PTPRD: variants seen among roughly 807,000 people sequenced by gnomAD.
PTPRD encodes the protein protein tyrosine phosphatase receptor type D.
In PTPRD, 34 loss-of-function variants were observed where a neutral mutation model predicts 214.5. That is an observed-to-expected ratio of 0.16 (90% CI 0.12 to 0.21). The LOEUF is 0.21. Among genes scored for constraint, PTPRD ranks in the 10% least tolerant of loss-of-function variants. PTPRD has a pLI of 1.00. For synonymous variants in PTPRD, 1,128 were observed against 845.7 expected (o/e 1.33, Z -5.79); for missense variants, 2,545 against 2,398.7 (o/e 1.06, Z -1.27).
At chr9:8,506,226 G>C (rs371979155) in intron 22 of PTPRD, among the ~76,000 whole-genome samples, 2 of 151,916 alleles carry the variant, frequency 1.3e-5, no homozygotes, top group South Asian at 2.1e-4. Context: ...TAGAACACAG[G>C]GACTGTTTCA....
At chr9:8,482,007 T>C (rs958157157) in intron 30 of PTPRD, among the ~76,000 whole-genome samples, 1 of 152,074 alleles carries the variant, frequency 6.6e-6, no homozygotes. Flanking sequence ...GGTCTCGAAC[T>C]CCTGACCTTG....
chr9:10,465,380 A>G lies in PTPRD; in HGVS notation c.-599-124363T>C, dbSNP rs1271867345. ...TTTTGAGTCCAAGTAGATGCAAATAAATGGAAATACATATAATGAACTGGG... is the reference window on the plus strand; with the variant it reads ...TTTTGAGTCCAAGTAGATGCAAATAGATGGAAATACATATAATGAACTGGG... On this transcript the variant is annotated intron_variant, in intron 2 of 45. Coordinates refer to ENST00000381196, the MANE Select transcript of PTPRD (RefSeq NM_002839.4). Among the ~76,000 whole-genome samples the G allele has an allele frequency of 3.9e-5, 6 of 152,172 alleles. No individual in the cohort carries two copies. The East Asian group carries it at 1.2e-3, about 29-fold the overall frequency.
intron 9 of PTPRD, among the ~76,000 whole-genome samples, chr9:9,375,495 C>G (rs1475848014): frequency 6.6e-6 from 1 of 152,046 alleles, no homozygotes; most frequent in Non-Finnish European, 1.5e-5. Flanking sequence ...ACTCGGGAGG[C>G]TGAGGCAGAA....
At chr9:8,926,702 C>G (rs996238691) in intron 11 of PTPRD, among the ~76,000 whole-genome samples, 2 of 152,190 alleles carry the variant, frequency 1.3e-5, no homozygotes, top group African/African-American at 4.8e-5. Flanking sequence ...TTCTTCCTTG[C>G]TCACATTAAA....
intron 7 of PTPRD, among the ~76,000 whole-genome samples, chr9:9,659,060 AG>A (rs2096574497): frequency 1.3e-5 from 2 of 152,148 alleles, no homozygotes; most frequent in Admixed American, 1.3e-4. Context: ...TGAGAATGAA[AG>A]AAAAGAGGTG....
intron 2 of PTPRD, among the ~76,000 whole-genome samples, chr9:10,370,383 G>A (rs981495567): frequency 6.6e-6 from 1 of 151,972 alleles, no homozygotes; most frequent in African/African-American, 2.4e-5. Flanking sequence ...AGACACTAAC[G>A]CTGTGAAATA....
chr9:10,317,665 A>C (rs1292594279), intron 3 of PTPRD, among the ~76,000 whole-genome samples: 1 of 152,030 alleles, frequency 6.6e-6, no homozygotes, highest in Admixed American at 6.6e-5. Context: ...AGCAATCTTA[A>C]TTTTTAAATG....
chr9:9,616,517 G>A (rs1266714568), intron 7 of PTPRD, among the ~76,000 whole-genome samples: 1 of 151,880 alleles, frequency 6.6e-6, no homozygotes, highest in African/African-American at 2.4e-5. Flanking sequence ...TCATAGACAC[G>A]AAATAAATTT....
chr9:8,859,164 C>T (rs746993026), intron 11 of PTPRD, among the ~76,000 whole-genome samples: 1 of 152,228 alleles, frequency 6.6e-6, no homozygotes, highest in African/African-American at 2.4e-5. Flanking sequence ...AGTACTGAAC[C>T]AAAATCTTAG....
intron 10 of PTPRD, among the ~76,000 whole-genome samples, chr9:9,052,500 G>T (rs554926663): frequency 6.6e-6 from 1 of 152,248 alleles, no homozygotes; most frequent in Admixed American, 6.5e-5. Context: ...TTCAATGTAT[G>T]AGTAAAACTA....
chr9:8,705,126 C>T (rs2098177264), intron 12 of PTPRD, among the ~76,000 whole-genome samples: 1 of 152,098 alleles, frequency 6.6e-6, no homozygotes, highest in Non-Finnish European at 1.5e-5. Context: ...GTTGACCACT[C>T]CCTGACCCAA....
At position 8,404,576 on chromosome 9, in the gene PTPRD, C is replaced by A; in HGVS notation, c.4171G>T (p.Ala1391Ser). ...AGGAGAACCCGGGAATGATCATATG[C>A]GATTACATTCGCGTATCTATTCTTT... is the stretch of plus-strand genomic sequence containing the variant. ...KPKNRYANVI[A>S]YDHSRVLLSA... Residue 1391 changes from alanine to serine, a missense_variant, in exon 36 of 46, where the codon GCA becomes TCA. By Grantham distance (99) the Ala-to-Ser change is moderately conservative (BLOSUM62 1). Transcript: ENST00000381196. 1.2e-6 allele frequency: 2 copies of A among 1,613,278 alleles called. No individual in the cohort carries two copies. The highest frequency in any genetic ancestry group is 1.7e-6 in the Non-Finnish European group (2 of 1,179,386).
chr9:10,048,563 T>G (rs2097452192), intron 3 of PTPRD, among the ~76,000 whole-genome samples: 1 of 152,100 alleles, frequency 6.6e-6, no homozygotes, highest in Admixed American at 6.6e-5. Flanking sequence ...CAGTGATAGA[T>G]TCCCATATTT....
At chr9:9,803,541 T>A (rs2099054754) in intron 5 of PTPRD, among the ~76,000 whole-genome samples, 1 of 151,956 alleles carries the variant, frequency 6.6e-6, no homozygotes, top group Non-Finnish European at 1.5e-5. Context: ...CCCAAATAGA[T>A]AAAACTTCAT....
intron 4 of PTPRD, among the ~76,000 whole-genome samples, chr9:10,009,636 T>C (rs997301591): frequency 9.2e-5 from 14 of 151,928 alleles, no homozygotes; most frequent in African/African-American, 3.4e-4. Flanking sequence ...TTGAGATCTT[T>C]AAAAGGTGCT....
In PTPRD at chr9:9,947,444, T is replaced by A. The variant is rs1448900708; in HGVS notation, c.-471-8834A>T. Among the ~76,000 whole-genome samples, 10 of 26,362 alleles carry A rather than the reference T, an allele frequency of 3.8e-4. No homozygotes were observed. In the African/African-American group the frequency reaches 4.1e-3, roughly 11 times the overall value. 17.3% of individuals were successfully genotyped at this position (26,362 alleles called of 152,430 possible). A position where few individuals can be genotyped will look rare whatever the true frequency, so the allele number is the denominator to read the frequency against. ...TATATATTATATATATATTATATAT[T>A]TTATATATTTTTATATATACTATAT... On this transcript the variant is annotated intron_variant, in intron 4 of 45. Transcript: ENST00000381196.
chr9:9,735,345 T>A (rs1287989202), intron 6 of PTPRD, among the ~76,000 whole-genome samples: 1 of 152,284 alleles, frequency 6.6e-6, no homozygotes, highest in African/African-American at 2.4e-5. Flanking sequence ...AGGAGATTAT[T>A]CTTTAAACAT....
chr9:9,474,589 C>A (rs996606866), intron 8 of PTPRD, among the ~76,000 whole-genome samples: 1 of 151,950 alleles, frequency 6.6e-6, no homozygotes, highest in Non-Finnish European at 1.5e-5. Context: ...GATATCATTT[C>A]ATTTGTTTGT....
chr9:9,087,726 T>G (rs543089531), intron 10 of PTPRD, among the ~76,000 whole-genome samples: 24 of 152,206 alleles, frequency 1.6e-4, no homozygotes, highest in African/African-American at 5.5e-4. Context: ...TAGTAATTTT[T>G]CCAAAGTTAA....
Sources: gnomAD v4.1 joint callset for allele counts (sites outside exome capture counted in the v4.1 genomes callset) on GRCh38, gnomAD v4.1.1 for gene constraint, MANE v1.5 for transcripts, NCBI Gene and HGNC (gene_info 2026-07-23, HGNC 2026-07-21) for gene names.